NEMF: variants seen among roughly 807,000 people sequenced by gnomAD.
NEMF encodes the protein ribosome quality control complex subunit NEMF.
In NEMF, 89 loss-of-function variants were observed where a neutral mutation model predicts 162.2. The observed-to-expected ratio is 0.55, with a 90% CI of 0.46 to 0.65. NEMF has a LOEUF of 0.65. Among genes scored for constraint, NEMF ranks in the 30% least tolerant of loss-of-function variants. The pLI is 0.00. For synonymous variants in NEMF, 421 were observed against 404.5 expected, an observed-to-expected ratio of 1.04 and a Z score of -0.49; for missense variants, 1,133 against 1,261.9, an observed-to-expected ratio of 0.90 and a Z score of 1.55.
chr14:49,807,600 T>C (rs1316841865), intron 18 of NEMF, among the ~76,000 whole-genome samples: 5 of 151,164 alleles, frequency 3.3e-5, no homozygotes, highest in Non-Finnish European at 5.9e-5. Flanking sequence ...TGATTTTTTT[T>C]TTTTTTTTTT....
intron 26 of NEMF, among the ~76,000 whole-genome samples, chr14:49,792,405 T>A (rs1255843262): frequency 6.6e-6 from 1 of 151,990 alleles, no homozygotes; most frequent in Non-Finnish European, 1.5e-5. Context: ...ACAGATGGGG[T>A]TTCACCATGT....
In NEMF at chr14:49,784,490, G is replaced by T. The variant is rs916167472; in HGVS notation, c.*146C>A. ...TCTATATAAAACTGGGAAAAAACAA[G>T]AAGTAAGTCCTTTTGGTGAATATAG... On this transcript the variant is annotated 3_prime_UTR_variant, in exon 33 of 33. Coordinates refer to ENST00000298310, the MANE Select transcript of NEMF (RefSeq NM_004713.6). 6.0e-5 allele frequency: 36 copies of T among 598,642 alleles called. No individual in the cohort carries two copies. The South Asian group carries it at 8.3e-4, about 14-fold the overall frequency. 37.1% of individuals were successfully genotyped at this position (598,642 alleles called of 1,614,324 possible).
intron 14 of NEMF, 52 bp from the exon 15 acceptor site, chr14:49,828,406 T>G (rs1892468469): frequency 8.1e-7 from 1 of 1,234,730 alleles, no homozygotes; most frequent in Non-Finnish European, 1.2e-6. Flanking sequence ...ATTCTTCAGT[T>G]TTCTACTTAG....
At chr14:49,832,359 G>T in intron 8 of NEMF, 82 bp from the exon 9 acceptor site, 1 of 939,640 alleles carries the variant, frequency 1.1e-6, no homozygotes, top group Non-Finnish European at 1.6e-6. Context: ...ATACAGTCGC[G>T]CTCGCTCCAT....
In NEMF at chr14:49,848,914, C is replaced by CA. The variant is rs540400283; in HGVS notation, c.231+2648dup. 7.8e-4 allele frequency among the ~76,000 whole-genome samples: 106 copies of CA among 135,138 alleles called. 1 individual carries two copies. Among genetic ancestry groups the CA allele is most frequent in the African/African-American group, 2.7e-3 (98 of 36,286 alleles). 88.7% of individuals were successfully genotyped at this position (135,138 alleles called of 152,430 possible). A position where few individuals can be genotyped will look rare whatever the true frequency, so the allele number is the denominator to read the frequency against. ...TCTAAGACCACCTTCAAAAAAAAGACAAAAAATCCACTCCTTGACAAAGGT... is the reference window on the plus strand; with the variant it reads ...TCTAAGACCACCTTCAAAAAAAAGACAAAAAAATCCACTCCTTGACAAAGGT... On this transcript the variant is annotated intron_variant, in intron 3 of 32. Transcript: ENST00000298310.
chr14:49,847,684 T>TA (rs1201826632), intron 3 of NEMF, among the ~76,000 whole-genome samples: 6 of 151,842 alleles, frequency 4.0e-5, no homozygotes, highest in African/African-American at 1.5e-4. Context: ...CACCACCTTA[T>TA]ATCCAGTTAC....
At chr14:49,813,929 C>T in intron 18 of NEMF, 59 bp downstream of exon 18, 1 of 1,033,920 alleles carries the variant, frequency 9.7e-7, no homozygotes, top group Non-Finnish European at 1.5e-6. Flanking sequence ...GTCTTACAGT[C>T]ACACTAAAAA....
intron 5 of NEMF, chr14:49,839,864 AAAAG>A (rs1893107004): frequency 6.6e-6 from 1 of 152,206 alleles, no homozygotes; most frequent in Admixed American, 6.5e-5. Flanking sequence ...ATTACAATGA[AAAAG>A]AAAGACATTG....
chr14:49,782,830 G>A lies in NEMF; in HGVS notation c.*1806C>T. Reference sequence around the variant, plus strand: ...TTTCTCTTTCCTTGTCCACTTTCAGGCTAAGCTTAGAAGCAGTCATTTGCT... The same window carrying A: ...TTTCTCTTTCCTTGTCCACTTTCAGACTAAGCTTAGAAGCAGTCATTTGCT... On this transcript the variant is annotated 3_prime_UTR_variant, in exon 33 of 33. Transcript: ENST00000298310. 1 of 1,611,788 alleles carries A rather than the reference G, an allele frequency of 6.2e-7. No homozygotes were observed. The highest frequency in any genetic ancestry group is 1.1e-5 in the South Asian group (1 of 90,366).
Position 49,837,189 on chromosome 14 carries a change from T to C in NEMF, c.574+950A>G, listed in dbSNP as rs570369581. Among the ~76,000 whole-genome samples, 11 of 152,310 alleles carry C rather than the reference T, an allele frequency of 7.2e-5. No individual in the cohort carries two copies. The South Asian group carries it at 1.2e-3, about 17-fold the overall frequency. ...TACTTGGGAGGCTGAGGCAGGAGAA[T>C]TGCTTGAACCCGGGAGGCAGAGGTT... On this transcript the variant is annotated intron_variant, in intron 6 of 32. Coordinates refer to ENST00000298310, the MANE Select transcript of NEMF (RefSeq NM_004713.6).
At chr14:49,846,826 A>G (rs1228952648) in intron 3 of NEMF, among the ~76,000 whole-genome samples, 1 of 152,188 alleles carries the variant, frequency 6.6e-6, no homozygotes, top group Non-Finnish European at 1.5e-5. Context: ...TTGTTGCTTT[A>G]TACCACTGCT....
At position 49,825,885 on chromosome 14, in the gene NEMF, T is replaced by G. The variant is rs767486880; in HGVS notation, c.1559A>C (p.Lys520Thr). ...CACTTACCAATATACTTTTCTTGCT[T>G]TTTGAATAGAGGTAACAGTCTGAAC... ...KEVQTVTSIQ[K>T]ARKVYWFEKF... The change falls in exon 16 of 33, where the codon AAA (lysine) becomes ACA (threonine). Residue 520 changes from lysine (K) to threonine (T), a missense_variant. Lys to Thr is a moderately conservative substitution (Grantham distance 78). Around this residue, in one of 3 missense-constraint regions of NEMF, gnomAD observed 582 missense variants for 631.5 expected, o/e 0.92. Coordinates refer to ENST00000298310, the MANE Select transcript of NEMF (RefSeq NM_004713.6). The G allele has an allele frequency of 1.2e-6, 2 of 1,605,282 alleles. No individual in the cohort carries two copies. Among genetic ancestry groups the G allele is most frequent in the Non-Finnish European group, 1.7e-6 (2 of 1,173,798 alleles).
In NEMF at chr14:49,783,612, C is replaced by T. The variant is rs1890019176; in HGVS notation, c.*1024G>A. ...CATCATTTTCCATTCTGTTAAGAGA[C>T]AGAGGAAAAGTGGGTTAGAGTCTTT... On this transcript the variant is annotated 3_prime_UTR_variant, in exon 33 of 33. Transcript: ENST00000298310. 6.6e-6 allele frequency: 1 copy of T among 151,834 alleles called. No individual in the cohort carries two copies. Among genetic ancestry groups the T allele is most frequent in the African/African-American group, 2.4e-5 (1 of 41,288 alleles). The allele number at this position is 151,834 out of a possible 1,614,324, so 9.4% of individuals were successfully genotyped here. A position where few individuals can be genotyped will look rare whatever the true frequency, so the allele number is the denominator to read the frequency against.
intron 4 of NEMF, among the ~76,000 whole-genome samples, chr14:49,844,228 G>A (rs1347633452): frequency 6.6e-6 from 1 of 152,106 alleles, no homozygotes; most frequent in Non-Finnish European, 1.5e-5. Flanking sequence ...GGATGAAACT[G>A]TTCCACCTCA....
At chr14:49,841,753 T>G (rs562206441) in intron 4 of NEMF, among the ~76,000 whole-genome samples, 1 of 152,130 alleles carries the variant, frequency 6.6e-6, no homozygotes, top group Middle Eastern at 3.2e-3. Context: ...CATTTGGTAA[T>G]GTAGCCCAAT....
At chr14:49,814,105 C>CT (rs375409448) in intron 17 of NEMF, 55 bp from the exon 18 acceptor site, 68,071 of 809,074 alleles carry the variant, frequency 0.084, no homozygotes, top group South Asian at 0.12. Flanking sequence ...TTCTTTTTTC[C>CT]TTTTTTTTTT....
intron 28 of NEMF, among the ~76,000 whole-genome samples, chr14:49,787,906 A>G (rs903258159): frequency 6.6e-6 from 1 of 152,240 alleles, no homozygotes; most frequent in Non-Finnish European, 1.5e-5. Context: ...GCACACAATT[A>G]TAACTCAAGC....
chr14:49,796,043 T>C, intron 25 of NEMF, 99 bp from the exon 26 acceptor site: 1 of 775,960 alleles, frequency 1.3e-6, no homozygotes, highest in Non-Finnish European at 2.1e-6. Flanking sequence ...AGTATATAAA[T>C]GGTCATGGCT....
At chr14:49,812,121 T>C (rs1891508480) in intron 18 of NEMF, among the ~76,000 whole-genome samples, 1 of 152,216 alleles carries the variant, frequency 6.6e-6, no homozygotes, top group Non-Finnish European at 1.5e-5. Flanking sequence ...TTCAATTCTC[T>C]ATTTCTTCTT....
Sources: allele counts gnomAD v4.1 joint callset (sites outside exome capture counted in the v4.1 genomes callset), GRCh38; gene constraint gnomAD v4.1.1; regional missense constraint gnomAD v4.1.1; transcripts MANE v1.5; gene names NCBI Gene and HGNC (gene_info 2026-07-23, HGNC 2026-07-21).